Variants in TOP6BL observed in about 807,000 individuals in gnomAD.
TOP6BL encodes the protein TOP6B like initiator of meiotic double strand breaks.
chr11:66,749,873 C>T, the TOP6BL span, among the ~76,000 whole-genome samples: 4 of 152,156 alleles, frequency 2.6e-5, no homozygotes, highest in African/African-American at 9.7e-5. Context: ...CTACCGCACC[C>T]AGCCTATGTT....
the TOP6BL span, chr11:66,804,257 A>G: frequency 7.7e-7 from 1 of 1,295,128 alleles, no homozygotes; most frequent in Non-Finnish European, 1.1e-6. Flanking sequence ...CAGTTTTAGG[A>G]AAGCCTTTAG....
the TOP6BL span, among the ~76,000 whole-genome samples, chr11:66,807,464 A>G: frequency 2.0e-5 from 3 of 152,108 alleles, no homozygotes; most frequent in African/African-American, 7.2e-5. Flanking sequence ...CCAGCTACTC[A>G]GGAGGCTGAG....
At chr11:66,772,045 G>C in the TOP6BL span, among the ~76,000 whole-genome samples, 8 of 152,114 alleles carry the variant, frequency 5.3e-5, no homozygotes, top group African/African-American at 1.9e-4. Flanking sequence ...AAGAGCATTC[G>C]TCATTCATAG....
At chr11:66,818,408 C>T in the TOP6BL span, among the ~76,000 whole-genome samples, 3 of 152,174 alleles carry the variant, frequency 2.0e-5, no homozygotes, top group Admixed American at 6.6e-5. Context: ...GGTGTACCGC[C>T]GTTCTGATGA....
the TOP6BL span, chr11:66,804,111 T>A: frequency 1.2e-6 from 2 of 1,614,026 alleles, no homozygotes; most frequent in Non-Finnish European, 1.7e-6. Flanking sequence ...TTGGGAGAAC[T>A]GATACTGACT....
the TOP6BL span, among the ~76,000 whole-genome samples, chr11:66,794,851 G>T: frequency 2.0e-4 from 31 of 152,230 alleles, 2 homozygotes; most frequent in South Asian, 6.4e-3. Flanking sequence ...ACAAAGAAGG[G>T]GCCAGGCGCA....
At chr11:66,765,563 T>C in the TOP6BL span, among the ~76,000 whole-genome samples, 1 of 152,234 alleles carries the variant, frequency 6.6e-6, no homozygotes, top group Non-Finnish European at 1.5e-5. Context: ...TCACCCAGGC[T>C]GGAGTGCAGT....
the TOP6BL span, among the ~76,000 whole-genome samples, chr11:66,777,409 G>A: frequency 4.6e-5 from 7 of 152,064 alleles, no homozygotes; most frequent in East Asian, 5.8e-4. Flanking sequence ...GAAGTAATAC[G>A]TATAATGCAT....
the TOP6BL span, among the ~76,000 whole-genome samples, chr11:66,784,956 CTTTTTTTT>C: frequency 3.2e-5 from 3 of 95,124 alleles, no homozygotes; most frequent in East Asian, 3.1e-4. Flanking sequence ...TCTAAGATTT[CTTTTTTTT>C]TTTTTTTTTT....
chr11:66,748,526 A>G, the TOP6BL span: 4 of 1,513,348 alleles, frequency 2.6e-6, no homozygotes, highest in Non-Finnish European at 3.5e-6. Flanking sequence ...TAGTAAGTAG[A>G]GAAAGAAAAA....
At chr11:66,760,061 A>G in the TOP6BL span, among the ~76,000 whole-genome samples, 22 of 152,316 alleles carry the variant, frequency 1.4e-4, no homozygotes, top group African/African-American at 4.1e-4. Flanking sequence ...GTTAATTTAC[A>G]AATTTTACAA....
chr11:66,814,421 G>A, the TOP6BL span, among the ~76,000 whole-genome samples: 1 of 151,952 alleles, frequency 6.6e-6, no homozygotes, highest in African/African-American at 2.4e-5. Context: ...ACCATGCCTG[G>A]CTAATAGTTT....
At chr11:66,842,833 C>T in the TOP6BL span, 1 of 1,545,982 alleles carries the variant, frequency 6.5e-7, no homozygotes, top group East Asian at 2.4e-5. Flanking sequence ...GATGAAGAGG[C>T]TTGTTTTTCT....
chr11:66,749,427 G>A, the TOP6BL span, among the ~76,000 whole-genome samples: 3 of 152,058 alleles, frequency 2.0e-5, no homozygotes, highest in Non-Finnish European at 2.9e-5. Context: ...TTAATTCAAA[G>A]CAAAGGACTT....
chr11:66,789,998 C>T, the TOP6BL span, among the ~76,000 whole-genome samples: 22 of 152,192 alleles, frequency 1.4e-4, no homozygotes, highest in African/African-American at 4.6e-4. Context: ...CCTGGCTGGG[C>T]GCCGTGGCTC....
chr11:66,787,632 A>G, the TOP6BL span, among the ~76,000 whole-genome samples: 1 of 151,098 alleles, frequency 6.6e-6, no homozygotes. Context: ...AGGCATAAGC[A>G]TCACTTGAAC....
chr11:66,748,203 G>A, the TOP6BL span, among the ~76,000 whole-genome samples: 1 of 152,074 alleles, frequency 6.6e-6, no homozygotes, highest in African/African-American at 2.4e-5. Context: ...CACTCTCCTA[G>A]CTATTTATTT....
the TOP6BL span, among the ~76,000 whole-genome samples, chr11:66,779,831 TA>T: frequency 6.6e-6 from 1 of 152,102 alleles, no homozygotes; most frequent in African/African-American, 2.4e-5. Flanking sequence ...TATGCAGCCA[TA>T]AAAAATGATG....
the TOP6BL span, among the ~76,000 whole-genome samples, chr11:66,769,902 G>A: frequency 6.6e-6 from 1 of 151,294 alleles, no homozygotes; most frequent in Non-Finnish European, 1.5e-5. Flanking sequence ...CACCACGCCC[G>A]GCTAATTTTT....
Sources: gnomAD v4.1 joint callset for allele counts (sites outside exome capture counted in the v4.1 genomes callset) on GRCh38, gnomAD v4.1.1 for gene constraint, MANE v1.5 for transcripts, NCBI Gene and HGNC (gene_info 2026-07-23, HGNC 2026-07-21) for gene names.